ZC3H12A: variants seen among roughly 807,000 people sequenced by gnomAD.
ZC3H12A encodes endoribonuclease ZC3H12A.
Under a neutral mutation model 29.9 loss-of-function variants are expected in ZC3H12A, and 9 were observed. The ratio of observed to expected loss-of-function variants is 0.30; its 90% CI spans 0.18 to 0.53. ZC3H12A has a LOEUF of 0.53. Among genes scored for constraint, ZC3H12A ranks in the 20% least tolerant of loss-of-function variants. ZC3H12A has a pLI of 0.96. For synonymous variants in ZC3H12A, 323 were observed against 338.1 expected (o/e 0.96, Z 0.49); for missense variants, 617 against 799.0 (o/e 0.77, Z 2.75).
chr1:37,479,423 T>C lies in ZC3H12A; in HGVS notation c.444-867T>C, dbSNP rs1641654707. On this transcript the variant is annotated intron_variant, in intron 2 of 5. Coordinates refer to ENST00000373087, the MANE Select transcript of ZC3H12A (RefSeq NM_025079.3). The surrounding 1 kb of genome is among the most constrained non-coding windows in gnomAD (Gnocchi z 4.5). ...CCAGGAGCCCTGCCAGGCTTCCTTC[T>C]GGGTGCAGCCACCTGTGGGTGGGGC... 1.0e-6 allele frequency: 1 copy of C among 985,436 alleles called. No homozygotes were observed. The highest frequency in any genetic ancestry group is 1.2e-6 in the Non-Finnish European group (1 of 829,928). 61.0% of individuals were successfully genotyped at this position (985,436 alleles called of 1,614,324 possible).
rs200110999 is a variant in ZC3H12A, at chr1:37,482,527, G to A, written c.912G>A (p.Gln304=). The change falls in exon 5 of 6, where the codon CAG becomes CAA. Residue 304 remains glutamine, a synonymous_variant. Transcript: ENST00000373087. ...KKPLTLEHRK[Q]PCPYGRKCTY... is the part of the protein sequence containing the mutation. ...CACTCACTTTGGAGCACAGGAAGCAGCCGTGTCCCTATGGTATGGAACCCA... is the reference window on the plus strand; with the variant it reads ...CACTCACTTTGGAGCACAGGAAGCAACCGTGTCCCTATGGTATGGAACCCA... The A allele has an allele frequency of 8.7e-5, 141 of 1,613,992 alleles. No homozygotes were observed. Among genetic ancestry groups the A allele is most frequent in the Middle Eastern group, 1.6e-4 (1 of 6,084 alleles).
chr1:37,479,610 G>A lies in ZC3H12A; in HGVS notation c.444-680G>A. ...AGCAGTATCCTTTCACTTTCAGACTGAAAGGCTCCTGGGGAACTTGCTTCA... is the reference window on the plus strand; with the variant it reads ...AGCAGTATCCTTTCACTTTCAGACTAAAAGGCTCCTGGGGAACTTGCTTCA... On this transcript the variant is annotated intron_variant, in intron 2 of 5. Transcript: ENST00000373087. This position sits in a 1 kb window ranked among gnomAD's most constrained non-coding sequence, Gnocchi z 4.5. 1 of 985,432 alleles carries A rather than the reference G, an allele frequency of 1.0e-6. No individual in the cohort carries two copies. Among genetic ancestry groups the A allele is most frequent in the Non-Finnish European group, 1.2e-6 (1 of 829,942 alleles). 61.0% of individuals were successfully genotyped at this position (985,432 alleles called of 1,614,324 possible).
chr1:37,482,609 CCCTGTTTT>C (rs769866599), intron 5 of ZC3H12A, 69 bp downstream of exon 5: 6 of 1,607,694 alleles, frequency 3.7e-6, no homozygotes, highest in Non-Finnish European at 5.1e-6. Flanking sequence ...TCTGCCTGTG[CCCTGTTTT>C]CCTCTTGGGG....
At chr1:37,480,662 C>T (rs1433437199) in intron 3 of ZC3H12A, among the ~76,000 whole-genome samples, 1 of 152,250 alleles carries the variant, frequency 6.6e-6, no homozygotes, top group Non-Finnish European at 1.5e-5. Context: ...TACTGGTGGG[C>T]AGGTCGCTCT....
At chr1:37,482,571 T>C in intron 5 of ZC3H12A, 31 bp downstream of exon 5, 1 of 1,611,950 alleles carries the variant, frequency 6.2e-7, no homozygotes, top group Non-Finnish European at 8.5e-7. Context: ...TCCCCGGCCC[T>C]CCTCACTCCT....
chr1:37,479,427 T>C lies in ZC3H12A; in HGVS notation c.444-863T>C. The C allele has an allele frequency of 1.0e-6, 1 of 985,390 alleles. No individual in the cohort carries two copies. The highest frequency in any genetic ancestry group is 1.2e-6 in the Non-Finnish European group (1 of 829,914). The allele number at this position is 985,390 out of a possible 1,614,324, so 61.0% of individuals were successfully genotyped here. ...GAGCCCTGCCAGGCTTCCTTCTGGG[T>C]GCAGCCACCTGTGGGTGGGGCGCGG... On this transcript the variant is annotated intron_variant, in intron 2 of 5. Coordinates refer to ENST00000373087, the MANE Select transcript of ZC3H12A (RefSeq NM_025079.3). The surrounding 1 kb of genome is among the most constrained non-coding windows in gnomAD (Gnocchi z 4.5).
chr1:37,477,096 G>A (rs1641606209), intron 2 of ZC3H12A, among the ~76,000 whole-genome samples: 1 of 152,214 alleles, frequency 6.6e-6, no homozygotes, highest in Non-Finnish European at 1.5e-5. Context: ...CTTGGGCTGA[G>A]CCTGGATGGG....
Position 37,480,318 on chromosome 1 carries a change from C to A in ZC3H12A, c.472C>A (p.Arg158=). ...TGGGAACAAGGAGGTCTTCTCCTGC[C>A]GGGGCATCCTGCTGGCAGTGAACTG... ...SHGNKEVFSC[R]GILLAVNWFL... is the part of the protein sequence containing the mutation. The change falls in exon 3 of 6, where the codon CGG becomes AGG. Residue 158 remains arginine, a synonymous_variant. Coordinates refer to ENST00000373087, the MANE Select transcript of ZC3H12A (RefSeq NM_025079.3). The A allele has an allele frequency of 6.2e-7, 1 of 1,613,908 alleles. No homozygotes were observed. The highest frequency in any genetic ancestry group is 8.5e-7 in the Non-Finnish European group (1 of 1,179,864).
intron 2 of ZC3H12A, among the ~76,000 whole-genome samples, chr1:37,477,264 C>T (rs932113769): frequency 2.0e-5 from 3 of 152,174 alleles, no homozygotes; most frequent in Admixed American, 6.5e-5. Context: ...GGGCCAGGAG[C>T]GGCTGAGCCC....
chr1:37,482,204 G>T, intron 4 of ZC3H12A: 1 of 593,644 alleles, frequency 1.7e-6, no homozygotes, highest in Non-Finnish European at 3.0e-6. Context: ...CCTCAGAGAG[G>T]GAGTTCCCCT....
At chr1:37,477,716 G>A (rs1480586540) in intron 2 of ZC3H12A, among the ~76,000 whole-genome samples, 1 of 152,194 alleles carries the variant, frequency 6.6e-6, no homozygotes, top group Non-Finnish European at 1.5e-5. Context: ...CCGGCTGGGG[G>A]ACCCTGACCT....
Position 37,483,622 on chromosome 1 carries a change from G to C in ZC3H12A, c.*11G>C. On this transcript the variant is annotated 3_prime_UTR_variant, in exon 6 of 6. Coordinates refer to ENST00000373087, the MANE Select transcript of ZC3H12A (RefSeq NM_025079.3). ...CACCCCAGTGAGTAAGCTGCCTGTG[G>C]CTGGCAAGGGCAGCACCCCCAGCCT... 4 of 1,585,558 alleles carry C rather than the reference G, an allele frequency of 2.5e-6. No homozygotes were observed. Among genetic ancestry groups the C allele is most frequent in the Non-Finnish European group, 3.4e-6 (4 of 1,166,622 alleles).
Position 37,475,829 on chromosome 1 carries a change from G to A in ZC3H12A, c.333G>A (p.Arg111=). The change falls in exon 2 of 6, where the codon CGG becomes CGA. Residue 111 remains arginine (R), a synonymous_variant. Transcript: ENST00000373087. The surrounding 1 kb of genome is among the most constrained non-coding windows in gnomAD (Gnocchi z 5.2). ...DPCPQLPLVP[R]GGGTPKAPNL... is the part of the protein sequence containing the mutation. ...GCCCTCAGCTCCCTCTAGTCCCGCGGGGTGGTGGCACCCCTAAGGCTCCCA... is the reference window on the plus strand; with the variant it reads ...GCCCTCAGCTCCCTCTAGTCCCGCGAGGTGGTGGCACCCCTAAGGCTCCCA... 1 of 1,603,962 alleles carries A rather than the reference G, an allele frequency of 6.2e-7. No homozygotes were observed. The highest frequency in any genetic ancestry group is 1.3e-5 in the African/African-American group (1 of 74,822).
At chr1:37,477,485 C>G (rs1022728301) in intron 2 of ZC3H12A, among the ~76,000 whole-genome samples, 1 of 149,136 alleles carries the variant, frequency 6.7e-6, no homozygotes, top group African/African-American at 2.4e-5. Flanking sequence ...GCCCGGCCAC[C>G]CCCCCTCCCC....
At position 37,476,070 on chromosome 1, in the gene ZC3H12A, A is replaced by G; in HGVS notation, c.443+131A>G. ...TGACTTCCTTCTTAGGGACTGGTCT[A>G]GAGGGAGGGAAAGCCTTTTATGAGG... On this transcript the variant is annotated intron_variant, in intron 2 of 5. Transcript: ENST00000373087. This position sits in a 1 kb window ranked among gnomAD's most constrained non-coding sequence, Gnocchi z 6.0. The G allele has an allele frequency of 9.8e-7, 1 of 1,017,466 alleles. No individual in the cohort carries two copies. The highest frequency in any genetic ancestry group is 1.4e-6 in the Non-Finnish European group (1 of 731,534). 63.0% of individuals were successfully genotyped at this position (1,017,466 alleles called of 1,614,324 possible).
chr1:37,484,007 C>G lies in ZC3H12A; in HGVS notation c.*396C>G, dbSNP rs2148049050. 1 of 183,828 alleles carries G rather than the reference C, an allele frequency of 5.4e-6. No individual in the cohort carries two copies. The highest frequency in any genetic ancestry group is 1.5e-4 in the East Asian group (1 of 6,892). The allele number at this position is 183,828 out of a possible 1,614,324, so 11.4% of individuals were successfully genotyped here. On this transcript the variant is annotated 3_prime_UTR_variant, in exon 6 of 6. Coordinates refer to ENST00000373087, the MANE Select transcript of ZC3H12A (RefSeq NM_025079.3). Reference sequence around the variant, plus strand: ...ACGCCACCCCACTTCCGCCCTACCCCTGGGACGTTGGCCTTGGCTGGCTAG... The same window carrying G: ...ACGCCACCCCACTTCCGCCCTACCCGTGGGACGTTGGCCTTGGCTGGCTAG...
At chr1:37,482,604 C>A in intron 5 of ZC3H12A, 64 bp downstream of exon 5, 1 of 1,609,024 alleles carries the variant, frequency 6.2e-7, no homozygotes, top group Non-Finnish European at 8.5e-7. Context: ...ACCTGTCTGC[C>A]TGTGCCCTGT....
rs1557597387 is a variant in ZC3H12A at position 37,484,136 on chromosome 1, C to A, written c.*525C>A. On this transcript the variant is annotated 3_prime_UTR_variant, in exon 6 of 6. Transcript: ENST00000373087. ...CTTCATGTCAGTAAGCAAGATGCTT[C>A]TTAATAACCCACCTTCTGCCCCACT... 6.5e-6 allele frequency: 1 copy of A among 154,492 alleles called. No individual in the cohort carries two copies. Among genetic ancestry groups the A allele is most frequent in the Admixed American group, 6.4e-5 (1 of 15,674 alleles). 9.6% of individuals were successfully genotyped at this position (154,492 alleles called of 1,614,324 possible). A position where few individuals can be genotyped will look rare whatever the true frequency, so the allele number is the denominator to read the frequency against.
Position 37,482,844 on chromosome 1 carries a change from C to A in ZC3H12A, c.1033C>A (p.Pro345Thr). The change falls in exon 6 of 6, where the codon CCC becomes ACC. Residue 345 changes from proline (P) to threonine (T), a missense_variant. By Grantham distance (38) the Pro-to-Thr change is conservative. Around this residue, in one of 5 missense-constraint regions of ZC3H12A, gnomAD observed 115 missense variants for 112.5 expected, o/e 1.02. Coordinates refer to ENST00000373087, the MANE Select transcript of ZC3H12A (RefSeq NM_025079.3). ...DELRANALLS[P>T]PRAPSKDKNG... is the part of the protein sequence containing the mutation. Reference sequence around the variant, plus strand: ...GCTCCGTGCCAATGCTCTCCTCTCACCCCCCAGAGCCCCAAGCAAGGACAA... The same window carrying A: ...GCTCCGTGCCAATGCTCTCCTCTCAACCCCCAGAGCCCCAAGCAAGGACAA... 2 of 1,613,978 alleles carry A rather than the reference C, an allele frequency of 1.2e-6. No homozygotes were observed. Among genetic ancestry groups the A allele is most frequent in the Non-Finnish European group, 1.7e-6 (2 of 1,180,028 alleles).
Sources: allele counts gnomAD v4.1 joint callset (sites outside exome capture counted in the v4.1 genomes callset), GRCh38; gene constraint gnomAD v4.1.1; regional missense constraint gnomAD v4.1.1; non-coding constraint Gnocchi (gnomAD v3.1); transcripts MANE v1.5; gene names NCBI Gene and HGNC (gene_info 2026-07-23, HGNC 2026-07-21).